GOLGA1: variants seen among roughly 807,000 people sequenced by gnomAD.
GOLGA1 encodes the protein golgin A1.
Under a neutral mutation model 119.7 loss-of-function variants are expected in GOLGA1, and 63 were observed. That is an observed-to-expected ratio of 0.53 (90% CI 0.43 to 0.65). The LOEUF (loss-of-function observed/expected upper bound fraction) is 0.65. Ranked by LOEUF, GOLGA1 falls within the 30% of genes least tolerant of loss-of-function variation. The probability of loss-of-function intolerance (pLI) is 0.00; values close to 1 mark genes in which losing one functional copy is unlikely to be tolerated. For missense variants in GOLGA1, 798 were observed against 912.8 expected, an observed-to-expected ratio of 0.87 and a Z score of 1.62; for synonymous variants, 318 against 333.4, an observed-to-expected ratio of 0.95 and a Z score of 0.50.
intron 10 of GOLGA1, among the ~76,000 whole-genome samples, chr9:124,915,463 C>T (rs1830420189): frequency 6.6e-6 from 1 of 152,202 alleles, no homozygotes; most frequent in African/African-American, 2.4e-5. Context: ...CCTTCCCAGC[C>T]TCATCTAGCA....
intron 2 of GOLGA1, among the ~76,000 whole-genome samples, chr9:124,939,725 G>T (rs1411046246): frequency 2.0e-5 from 3 of 151,806 alleles, no homozygotes; most frequent in Non-Finnish European, 4.4e-5. Flanking sequence ...ACTATGCCCG[G>T]CTTATTTTAT....
At chr9:124,937,109 T>G (rs1830888326) in intron 3 of GOLGA1, among the ~76,000 whole-genome samples, 1 of 152,184 alleles carries the variant, frequency 6.6e-6, no homozygotes, top group Admixed American at 6.5e-5. Context: ...ACTTTACATA[T>G]ATATTACATA....
rs368253952 is a variant in GOLGA1, at chr9:124,923,237, G to C, written c.433-14C>G. ...AATATTTTTCTCCTATTTGAAAGAA[G>C]AAGACATCAACTCAGGCAACGAAAG... is the stretch of plus-strand genomic sequence containing the variant. On this transcript the variant is annotated splice_polypyrimidine_tract_variant and intron_variant, in intron 7 of 22. Transcript: ENST00000373555. 1 of 1,573,720 alleles carries C rather than the reference G, an allele frequency of 6.4e-7. No individual in the cohort carries two copies. The highest frequency in any genetic ancestry group is 2.3e-5 in the East Asian group (1 of 44,366).
chr9:124,915,086 C>T (rs1830414609), intron 10 of GOLGA1, among the ~76,000 whole-genome samples: 1 of 152,194 alleles, frequency 6.6e-6, no homozygotes, highest in Admixed American at 6.5e-5. Context: ...TCACCCTCTT[C>T]ACCTACTCCC....
At position 124,921,848 on chromosome 9, in the gene GOLGA1, C is replaced by T; in HGVS notation, c.606G>A (p.Leu202=). ...GACTAAGTTCTCTGGTTCGTGCCTC[C>T]AATTCTTGTTCCATTTTCCCTAGAC... ...EESLGKMEQE[L]EARTRELSRT... is the part of the protein sequence containing the mutation. The change falls in exon 9 of 23, where the codon TTG becomes TTA. Residue 202 remains leucine (L), a synonymous_variant. Transcript: ENST00000373555. 6.2e-7 allele frequency: 1 copy of T among 1,613,530 alleles called. No homozygotes were observed. Among genetic ancestry groups the T allele is most frequent in the Non-Finnish European group, 8.5e-7 (1 of 1,179,540 alleles).
At chr9:124,890,315 T>C (rs1225373638) in intron 16 of GOLGA1, 74 bp downstream of exon 16, 4 of 1,007,684 alleles carry the variant, frequency 4.0e-6, no homozygotes, top group East Asian at 4.7e-5. Context: ...TCTCCAACAG[T>C]CTCACGGCAG....
intron 12 of GOLGA1, among the ~76,000 whole-genome samples, chr9:124,901,374 G>A (rs527754735): frequency 7.3e-5 from 11 of 150,160 alleles, no homozygotes; most frequent in Non-Finnish European, 1.5e-4. Flanking sequence ...GGGTTCAAGC[G>A]ATTCTCCTGC....
At chr9:124,938,239 A>G (rs749251840) in intron 3 of GOLGA1, among the ~76,000 whole-genome samples, 9 of 152,216 alleles carry the variant, frequency 5.9e-5, no homozygotes, top group East Asian at 1.9e-4. Context: ...TAGTTGTTAT[A>G]TAAGTATATA....
intron 6 of GOLGA1, 121 bp downstream of exon 6, chr9:124,928,067 T>A (rs1200602444): frequency 1.9e-6 from 1 of 520,428 alleles, no homozygotes; most frequent in Non-Finnish European, 3.4e-6. Context: ...CTTAACGAAC[T>A]TTTAACATTT....
At chr9:124,925,565 A>T (rs1338745612) in intron 7 of GOLGA1, among the ~76,000 whole-genome samples, 2 of 152,198 alleles carry the variant, frequency 1.3e-5, no homozygotes, top group East Asian at 3.9e-4. Flanking sequence ...AAATTTTTTT[A>T]AAAATTAGCT....
chr9:124,907,315 A>G (rs1016946067), intron 12 of GOLGA1, among the ~76,000 whole-genome samples: 15 of 152,234 alleles, frequency 9.9e-5, no homozygotes, highest in African/African-American at 3.6e-4. Flanking sequence ...ATCCCTACCT[A>G]AGACCATACA....
In GOLGA1 at chr9:124,899,262, C is replaced by T. The variant is rs188135090; in HGVS notation, c.1311+67G>A. 1.7e-4 allele frequency: 250 copies of T among 1,434,242 alleles called. No homozygotes were observed. In the African/African-American group the frequency reaches 2.2e-3, roughly 13 times the overall value. 88.8% of individuals were successfully genotyped at this position (1,434,242 alleles called of 1,614,324 possible). On this transcript the variant is annotated intron_variant, in intron 14 of 22. Transcript: ENST00000373555. Reference sequence around the variant, plus strand: ...AGAGGTGGTGACACACTGTCAAGCACGAGGCTGACTTCGCTGTGGGGGACC... The same window carrying T: ...AGAGGTGGTGACACACTGTCAAGCATGAGGCTGACTTCGCTGTGGGGGACC...
chr9:124,882,369 C>G, intron 20 of GOLGA1, 141 bp downstream of exon 20: 1 of 657,732 alleles, frequency 1.5e-6, no homozygotes, highest in Non-Finnish European at 2.7e-6. Flanking sequence ...CACCAGCTAA[C>G]GTTGGATTGC....
At chr9:124,939,561 T>G (rs1397473234) in intron 2 of GOLGA1, among the ~76,000 whole-genome samples, 1 of 127,322 alleles carries the variant, frequency 7.9e-6, no homozygotes, top group African/African-American at 3.1e-5. Flanking sequence ...TTTTTTTTTT[T>G]TTTTTTTTTT....
chr9:124,895,115 A>T lies in GOLGA1; in HGVS notation c.1407+3434T>A, dbSNP rs78008020. Among the ~76,000 whole-genome samples, 293 of 151,006 alleles carry T rather than the reference A, an allele frequency of 1.9e-3. 8 individuals carry two copies. In the East Asian group the frequency reaches 0.043, roughly 22 times the overall value. The stretch of plus-strand genomic sequence containing the variant: ...CCACAACAGAGACCCTCCACAACAG[A>T]GACTCTCCACAACAGAGAACCATCC... On this transcript the variant is annotated intron_variant, in intron 15 of 22. Transcript: ENST00000373555.
chr9:124,904,220 A>G (rs953249679), intron 12 of GOLGA1, among the ~76,000 whole-genome samples: 8 of 152,216 alleles, frequency 5.3e-5, no homozygotes, highest in Non-Finnish European at 1.2e-4. Flanking sequence ...AACAGGAGGT[A>G]TCTAGAGTGT....
chr9:124,943,575 G>A (rs1831094279), upstream of GOLGA1: 1 of 152,104 alleles, frequency 6.6e-6, no homozygotes, highest in Non-Finnish European at 1.5e-5. Context: ...TTCAGTTACA[G>A]ACAAGCACAA....
At chr9:124,882,675 C>T (rs2131358161) in intron 19 of GOLGA1, 106 bp from the exon 20 acceptor site, 4 of 869,416 alleles carry the variant, frequency 4.6e-6, no homozygotes, top group Non-Finnish European at 5.6e-6. Context: ...TGTGAGGAGC[C>T]TCTGCCCTGA....
chr9:124,945,816 T>C (rs1490061567), upstream of GOLGA1: 2 of 152,166 alleles, frequency 1.3e-5, no homozygotes. Context: ...AGCTGGAACA[T>C]AGTGTAGTAT....
Sources: gnomAD v4.1 joint callset for allele counts (sites outside exome capture counted in the v4.1 genomes callset) on GRCh38, gnomAD v4.1.1 for gene constraint, MANE v1.5 for transcripts, NCBI Gene and HGNC (gene_info 2026-07-23, HGNC 2026-07-21) for gene names.